Variants in KLHL28 observed in about 807,000 individuals in gnomAD.
KLHL28 encodes the protein kelch-like protein 28.
Under a neutral mutation model 48.3 loss-of-function variants are expected in KLHL28, and 22 were observed. That is an observed-to-expected ratio of 0.46 (90% CI 0.33 to 0.65). The LOEUF (loss-of-function observed/expected upper bound fraction) is 0.65, where lower values mean the gene tolerates loss of function less well. KLHL28 is among the 30% of genes least tolerant of loss of function. KLHL28 has a pLI of 0.03. For synonymous variants in KLHL28, 243 were observed against 242.4 expected, an observed-to-expected ratio of 1.00 and a Z score of -0.02; for missense variants, 527 against 704.3, an observed-to-expected ratio of 0.75 and a Z score of 2.85.
intron 1 of KLHL28, among the ~76,000 whole-genome samples, chr14:44,946,459 C>T (rs1277932406): frequency 6.6e-6 from 1 of 151,520 alleles, no homozygotes; most frequent in Non-Finnish European, 1.5e-5. Flanking sequence ...CTATTACCAC[C>T]AATTAATTTA....
intron 2 of KLHL28, among the ~76,000 whole-genome samples, chr14:44,935,136 A>G (rs1274612676): frequency 1.3e-5 from 2 of 152,352 alleles, no homozygotes; most frequent in East Asian, 1.9e-4. Context: ...AGAATACTAC[A>G]TGGCAATGAA....
chr14:44,944,898 A>G (rs1027411717), intron 2 of KLHL28, 132 bp downstream of exon 2: 1 of 660,230 alleles, frequency 1.5e-6, no homozygotes, highest in Non-Finnish European at 2.5e-6. Flanking sequence ...TTTAGGAAGA[A>G]GAAAAAAAAC....
rs1368580272 is a variant in KLHL28, at chr14:44,928,687, A to AAT, written c.*340_*341insAT. The AAT allele has an allele frequency of 1.1e-4, 16 of 151,838 alleles. No homozygotes were observed. The highest frequency in any genetic ancestry group is 3.7e-4 in the African/African-American group (15 of 40,248). 9.4% of individuals were successfully genotyped at this position (151,838 alleles called of 1,614,324 possible). On this transcript the variant is annotated 3_prime_UTR_variant, in exon 5 of 5. Coordinates refer to ENST00000396128, the MANE Select transcript of KLHL28 (RefSeq NM_017658.5). ...TATCAGGGAAGGAGAGCTAAAATAA[A>AAT]AAAAAAAAAAAAAAAAAAGCAGCCA... is the stretch of plus-strand genomic sequence containing the variant.
intron 1 of KLHL28, among the ~76,000 whole-genome samples, chr14:44,954,405 A>G (rs1884711504): frequency 6.6e-6 from 1 of 152,232 alleles, no homozygotes; most frequent in South Asian, 2.1e-4. Context: ...TATTTGAGAG[A>G]CCAAAAGGCA....
intron 1 of KLHL28, among the ~76,000 whole-genome samples, chr14:44,947,018 C>T (rs2138637438): frequency 6.6e-6 from 1 of 152,230 alleles, no homozygotes; most frequent in South Asian, 2.1e-4. Context: ...AATGGCTCCC[C>T]AAATGACATT....
chr14:44,952,063 G>A (rs558033799), intron 1 of KLHL28, among the ~76,000 whole-genome samples: 1 of 151,986 alleles, frequency 6.6e-6, no homozygotes, highest in East Asian at 1.9e-4. Context: ...GTTTCACCAT[G>A]TTGCCTAGGC....
rs117295933 is a variant in KLHL28 at position 44,934,496 on chromosome 14, C to G, written c.962G>C (p.Arg321Pro). 1 of 1,613,114 alleles carries G rather than the reference C, an allele frequency of 6.2e-7. No homozygotes were observed. The highest frequency in any genetic ancestry group is 8.5e-7 in the Non-Finnish European group (1 of 1,179,618). Residue 321 changes from arginine (R) to proline (P), a missense_variant, in exon 3 of 5, where the codon CGC becomes CCC. Physicochemically the swap from Arg to Pro is moderately radical, Grantham distance 103 (BLOSUM62 -2). Transcript: ENST00000396128. ...WIGLAPLNIP[R>P]YEFGICVLDQ... Reference sequence around the variant, plus strand: ...TAAAACGCATATTCCAAATTCATAGCGAGGAATGTTTAGGGGTGCCAAACC... The same window carrying G: ...TAAAACGCATATTCCAAATTCATAGGGAGGAATGTTTAGGGGTGCCAAACC...
chr14:44,948,268 T>G (rs1277547318), intron 1 of KLHL28, among the ~76,000 whole-genome samples: 2 of 152,180 alleles, frequency 1.3e-5, no homozygotes, highest in Non-Finnish European at 2.9e-5. Flanking sequence ...TAGCTGAGGT[T>G]TTTGAGGATC....
intron 2 of KLHL28, among the ~76,000 whole-genome samples, chr14:44,943,955 T>C (rs1884215275): frequency 6.6e-6 from 1 of 152,084 alleles, no homozygotes; most frequent in South Asian, 2.1e-4. Context: ...TCTCAAGTGA[T>C]CCTCCTGTGT....
chr14:44,945,426 C>A lies in KLHL28; in HGVS notation c.503G>T (p.Cys168Phe). ...KYICQNFEAV[C>F]QTEEFFELTH... ...AAGCTCAAAAAACTCTTCAGTCTGG[C>A]AAACAGCTTCAAAATTCTGGCATAT... Residue 168 changes from cysteine to phenylalanine, a missense_variant, in exon 2 of 5, where the codon TGC becomes TTC. Coordinates refer to ENST00000396128, the MANE Select transcript of KLHL28 (RefSeq NM_017658.5). The A allele has an allele frequency of 6.2e-7, 1 of 1,614,138 alleles. No individual in the cohort carries two copies. The highest frequency in any genetic ancestry group is 8.5e-7 in the Non-Finnish European group (1 of 1,180,014).
At position 44,943,487 on chromosome 14, in the gene KLHL28, G is replaced by A. The variant is rs185013773; in HGVS notation, c.899+1543C>T. 4.9e-3 allele frequency among the ~76,000 whole-genome samples: 746 copies of A among 152,058 alleles called. 27 individuals carry two copies. The highest frequency in any genetic ancestry group is 0.043 in the Admixed American group (658 of 15,262). ...GGCCTGACCAACATGGTGAAACCCC[G>A]TTTCTACTAAAAATACAAAATTAGC... On this transcript the variant is annotated intron_variant, in intron 2 of 4. Coordinates refer to ENST00000396128, the MANE Select transcript of KLHL28 (RefSeq NM_017658.5).
chr14:44,930,850 T>C (rs1883553781), intron 4 of KLHL28, among the ~76,000 whole-genome samples: 1 of 152,232 alleles, frequency 6.6e-6, no homozygotes, highest in Admixed American at 6.5e-5. Flanking sequence ...CAATTTTTCC[T>C]AAACCACAAA....
chr14:44,943,314 G>A (rs1036667078), intron 2 of KLHL28, among the ~76,000 whole-genome samples: 81 of 152,160 alleles, frequency 5.3e-4, no homozygotes, highest in African/African-American at 1.9e-3. Flanking sequence ...CATAACTAAT[G>A]TTCTATGTGT....
intron 1 of KLHL28, among the ~76,000 whole-genome samples, chr14:44,947,464 T>C (rs1884387393): frequency 6.6e-6 from 1 of 152,186 alleles, no homozygotes; most frequent in African/African-American, 2.4e-5. Context: ...AATTAATACA[T>C]GGATATTTCA....
intron 2 of KLHL28, among the ~76,000 whole-genome samples, chr14:44,937,018 A>C (rs1403251463): frequency 1.3e-5 from 2 of 152,080 alleles, no homozygotes; most frequent in African/African-American, 4.8e-5. Flanking sequence ...AATGTGTTGA[A>C]GTCACTGGTA....
chr14:44,935,902 A>ATATATC (rs1196033876), intron 2 of KLHL28, among the ~76,000 whole-genome samples: 1 of 131,488 alleles, frequency 7.6e-6, no homozygotes, highest in Non-Finnish European at 1.7e-5. Flanking sequence ...ATATATATAT[A>ATATATC]TCTTTACCCT....
At position 44,952,914 on chromosome 14, in the gene KLHL28, A is replaced by C. The variant is rs112386910; in HGVS notation, c.1-6986T>G. Among the ~76,000 whole-genome samples the C allele has an allele frequency of 3.7e-3, 562 of 152,242 alleles. 5 individuals are homozygous for C. Among genetic ancestry groups the C allele is most frequent in the African/African-American group, 0.013 (522 of 41,548 alleles). Reference sequence around the variant, plus strand: ...AAGGGTAAGTACCATAAAAAAAAAAAAAACAAACACAGGAAAGAACAGGGA... The same window carrying C: ...AAGGGTAAGTACCATAAAAAAAAAACAAACAAACACAGGAAAGAACAGGGA... On this transcript the variant is annotated intron_variant, in intron 1 of 4. Transcript: ENST00000396128.
chr14:44,957,463 CA>C (rs1414020404), intron 1 of KLHL28, among the ~76,000 whole-genome samples: 15 of 152,146 alleles, frequency 9.9e-5, no homozygotes, highest in African/African-American at 3.6e-4. Flanking sequence ...AATCTTGGAA[CA>C]ATGCTCTCTA....
At chr14:44,940,790 T>C (rs1032410000) in intron 2 of KLHL28, among the ~76,000 whole-genome samples, 3 of 152,206 alleles carry the variant, frequency 2.0e-5, no homozygotes, top group African/African-American at 7.2e-5. Flanking sequence ...CAATAAGCAT[T>C]CATCTATCTT....
Sources: gnomAD v4.1 joint callset for allele counts (sites outside exome capture counted in the v4.1 genomes callset) on GRCh38, gnomAD v4.1.1 for gene constraint, MANE v1.5 for transcripts, NCBI Gene and HGNC (gene_info 2026-07-23, HGNC 2026-07-21) for gene names.